The following DSCAM variants were observed in gnomAD, a reference collection of about 807,000 sequenced individuals.
DSCAM encodes cell adhesion molecule DSCAM.
Under a neutral mutation model 217.7 loss-of-function variants are expected in DSCAM, and 47 were observed. The ratio of observed to expected loss-of-function variants is 0.22; its 90% confidence interval spans 0.17 to 0.28. DSCAM has a LOEUF of 0.28. Among genes scored for constraint, DSCAM ranks in the 10% least tolerant of loss-of-function variants. The pLI, the probability that DSCAM is intolerant of heterozygous loss-of-function variation, is 1.00. For missense variants in DSCAM, 2,080 were observed against 2,618.3 expected, an observed-to-expected ratio of 0.79 and a Z score of 4.49; for synonymous variants, 1,056 against 1,015.3, an observed-to-expected ratio of 1.04 and a Z score of -0.76.
chr21:40,626,154 C>T (rs936196709), intron 3 of DSCAM, among the ~76,000 whole-genome samples: 5 of 152,072 alleles, frequency 3.3e-5, no homozygotes, highest in Admixed American at 6.6e-5. Flanking sequence ...AATGCCAAAT[C>T]GCATCACAGG....
chr21:40,124,913 C>G (rs2090078327), intron 19 of DSCAM, among the ~76,000 whole-genome samples: 1 of 152,164 alleles, frequency 6.6e-6, no homozygotes, highest in Admixed American at 6.5e-5. Flanking sequence ...TGGCAACTTC[C>G]TGCCTCTGGA....
At chr21:40,029,847 G>A (rs1220636278) in intron 32 of DSCAM, among the ~76,000 whole-genome samples, 6 of 152,140 alleles carry the variant, frequency 3.9e-5, no homozygotes, top group Admixed American at 3.3e-4. Context: ...CTGAGGACTT[G>A]GCTCAGGCAG....
intron 3 of DSCAM, among the ~76,000 whole-genome samples, chr21:40,680,092 A>C (rs1464805951): frequency 3.9e-5 from 6 of 152,216 alleles, no homozygotes; most frequent in African/African-American, 1.4e-4. Flanking sequence ...AATTCATTTA[A>C]TTCTTATAAC....
Position 40,575,706 on chromosome 21 carries a change from T to C in DSCAM, c.508+117104A>G, listed in dbSNP as rs1018186687. Among the ~76,000 whole-genome samples, 9 of 151,940 alleles carry C rather than the reference T, an allele frequency of 5.9e-5. No homozygotes were observed. The South Asian group carries it at 1.7e-3, about 28-fold the overall frequency. ...CTAATTGAAAGGCATCACTAATAAA[T>C]AGGTAGGCAGGCTACAAATTAAAAA... is the stretch of plus-strand genomic sequence containing the variant. On this transcript the variant is annotated intron_variant, in intron 3 of 32. Coordinates refer to ENST00000400454, the MANE Select transcript of DSCAM (RefSeq NM_001389.5).
intron 16 of DSCAM, among the ~76,000 whole-genome samples, chr21:40,157,447 A>C (rs2090490596): frequency 6.6e-6 from 1 of 152,180 alleles, no homozygotes; most frequent in South Asian, 2.1e-4. Flanking sequence ...ACTACTAAGA[A>C]AGGAGCATTG....
chr21:40,166,279 A>T (rs1486715643), intron 16 of DSCAM, among the ~76,000 whole-genome samples: 1 of 152,240 alleles, frequency 6.6e-6, no homozygotes, highest in Non-Finnish European at 1.5e-5. Flanking sequence ...CACAGAAAAA[A>T]AACGGTGAGG....
In DSCAM at chr21:40,109,285, G is replaced by A. The variant is rs557857591; in HGVS notation, c.3696+14910C>T. Among the ~76,000 whole-genome samples, 17 of 151,206 alleles carry A rather than the reference G, an allele frequency of 1.1e-4. No individual in the cohort carries two copies. The East Asian group carries it at 1.9e-3, about 17-fold the overall frequency. ...CTAATATTCAGCCTTTATAAGAAAC[G>A]TAAACAAATTTACAAGAAAAAAATA... On this transcript the variant is annotated intron_variant, in intron 20 of 32. Coordinates refer to ENST00000400454, the MANE Select transcript of DSCAM (RefSeq NM_001389.5).
intron 3 of DSCAM, among the ~76,000 whole-genome samples, chr21:40,411,175 TACACACACACACACACACAC>T (rs902494368): frequency 4.4e-5 from 2 of 45,138 alleles, no homozygotes; most frequent in East Asian, 6.2e-4. Flanking sequence ...AGTAATTATA[TACACACACACACACACACAC>T]ACACACACAC....
chr21:40,134,500 C>T (rs1339700791), intron 18 of DSCAM, among the ~76,000 whole-genome samples: 3 of 152,104 alleles, frequency 2.0e-5, no homozygotes, highest in Non-Finnish European at 4.4e-5. Context: ...TTTTTAAGTA[C>T]CTAACTTCAT....
At chr21:40,823,102 A>G (rs972985764) in intron 1 of DSCAM, among the ~76,000 whole-genome samples, 5 of 152,088 alleles carry the variant, frequency 3.3e-5, no homozygotes, top group African/African-American at 7.2e-5. Context: ...GTGAGCCGAA[A>G]TTGTGCCACT....
chr21:40,482,937 C>T (rs2075995190), intron 3 of DSCAM, among the ~76,000 whole-genome samples: 1 of 152,098 alleles, frequency 6.6e-6, no homozygotes, highest in South Asian at 2.1e-4. Context: ...ACACAGCCCG[C>T]CTAATTGTGA....
intron 3 of DSCAM, among the ~76,000 whole-genome samples, chr21:40,633,794 T>C (rs2089722282): frequency 6.6e-6 from 1 of 152,160 alleles, no homozygotes; most frequent in African/African-American, 2.4e-5. Context: ...GCGTGTTCAA[T>C]GGTGTAAGAT....
At position 40,561,019 on chromosome 21, in the gene DSCAM, A is replaced by C. The variant is rs150773733; in HGVS notation, c.508+131791T>G. Among the ~76,000 whole-genome samples the C allele has an allele frequency of 5.9e-5, 9 of 152,384 alleles. No individual in the cohort carries two copies. In the East Asian group the frequency reaches 1.7e-3, roughly 29 times the overall value. On this transcript the variant is annotated intron_variant, in intron 3 of 32. Transcript: ENST00000400454. ...TGTCCACTTTGTTTATGAGGATTAC[A>C]TTAAGTGTCGTATGTTAACAAACAT...
intron 3 of DSCAM, among the ~76,000 whole-genome samples, chr21:40,454,535 C>G (rs552926039): frequency 6.6e-6 from 1 of 152,238 alleles, no homozygotes; most frequent in Admixed American, 6.5e-5. Context: ...AGGAATCCTT[C>G]TAGAATGAAG....
intron 30 of DSCAM, among the ~76,000 whole-genome samples, chr21:40,051,621 T>A (rs1394935408): frequency 6.6e-6 from 1 of 152,204 alleles, no homozygotes; most frequent in Non-Finnish European, 1.5e-5. Flanking sequence ...GTGCATGACA[T>A]CATCGTTCTA....
intron 1 of DSCAM, among the ~76,000 whole-genome samples, chr21:40,838,322 A>G (rs1290427434): frequency 6.6e-6 from 1 of 152,230 alleles, no homozygotes; most frequent in African/African-American, 2.4e-5. Flanking sequence ...CTGAAGTGGC[A>G]TGGATGGCTC....
chr21:40,214,197 C>T (rs2091216175), intron 11 of DSCAM, among the ~76,000 whole-genome samples: 1 of 152,202 alleles, frequency 6.6e-6, no homozygotes, highest in Admixed American at 6.5e-5. Context: ...TTCTCTCCAA[C>T]TAGTCATAGC....
At chr21:40,747,480 A>T (rs1332173650) in intron 1 of DSCAM, among the ~76,000 whole-genome samples, 1 of 151,792 alleles carries the variant, frequency 6.6e-6, no homozygotes, top group Non-Finnish European at 1.5e-5. Context: ...TTTTGGACAG[A>T]CACAACCTAG....
chr21:40,444,710 C>A (rs141987343), intron 3 of DSCAM, among the ~76,000 whole-genome samples: 2 of 152,162 alleles, frequency 1.3e-5, no homozygotes, highest in Non-Finnish European at 2.9e-5. Context: ...AACACTGAGG[C>A]CCATGATGTT....
Sources: gnomAD v4.1 joint callset for allele counts (sites outside exome capture counted in the v4.1 genomes callset) on GRCh38, gnomAD v4.1.1 for gene constraint, MANE v1.5 for transcripts, NCBI Gene and HGNC (gene_info 2026-07-23, HGNC 2026-07-21) for gene names.